The following DPP6 variants were observed in gnomAD, a reference collection of about 807,000 sequenced individuals.
The protein encoded by DPP6 is dipeptidyl peptidase like 6, also known as A-type potassium channel modulatory protein DPP6.
In DPP6, 69 loss-of-function variants were observed where a neutral mutation model predicts 122.6. The ratio of observed to expected loss-of-function variants is 0.56; its 90% CI spans 0.46 to 0.69. DPP6 has a LOEUF of 0.69. Among genes scored for constraint, DPP6 ranks in the 30% least tolerant of loss-of-function variants. The probability of loss-of-function intolerance (pLI) is 0.00; values close to 1 mark genes in which losing one functional copy is unlikely to be tolerated. For missense variants in DPP6, 928 were observed against 1,116.9 expected (o/e 0.83, Z 2.41); for synonymous variants, 418 against 433.1 (o/e 0.97, Z 0.43).
intron 1 of DPP6, among the ~76,000 whole-genome samples, chr7:154,166,426 T>C (rs1433738457): frequency 1.3e-5 from 2 of 151,964 alleles, no homozygotes; most frequent in Non-Finnish European, 2.9e-5. Context: ...GGGAGCACTG[T>C]GCATCATAAG....
chr7:153,938,855 G>A (rs918706554), intron 1 of DPP6, among the ~76,000 whole-genome samples: 2 of 152,194 alleles, frequency 1.3e-5, no homozygotes, highest in Admixed American at 6.5e-5. Flanking sequence ...CGGAATGGCC[G>A]GCTGAGTCTC....
At chr7:154,196,667 C>T (rs957413564) in intron 1 of DPP6, among the ~76,000 whole-genome samples, 3 of 152,178 alleles carry the variant, frequency 2.0e-5, no homozygotes, top group Non-Finnish European at 2.9e-5. Context: ...GCTCCCTGGC[C>T]ATGAGCCAGT....
At chr7:154,561,761 T>C (rs1315498801) in intron 4 of DPP6, among the ~76,000 whole-genome samples, 1 of 151,558 alleles carries the variant, frequency 6.6e-6, no homozygotes. Flanking sequence ...TTGGAAAAGA[T>C]CAATAAAATC....
At position 154,017,705 on chromosome 7, in the gene DPP6, AAATAAAAAAAAAATAAAAAAAT is replaced by A. The variant is rs1413820907; in HGVS notation, c.51+129974_51+129995del. Among the ~76,000 whole-genome samples, 136 of 124,302 alleles carry A rather than the reference AAATAAAAAAAAAATAAAAAAAT, an allele frequency of 1.1e-3. 3 individuals are homozygous for A. The South Asian group carries it at 0.033, about 30-fold the overall frequency. The allele number at this position is 124,302 out of a possible 152,430, so 81.5% of individuals were successfully genotyped here. ...ACAGAGTGAGCCCTTGTCCTAAAAA[AAATAAAAAAAAAATAAAAAAAT>A]AAAAAAAAAAAAAAGAAAAATATAA... is the stretch of plus-strand genomic sequence containing the variant. On this transcript the variant is annotated intron_variant, in intron 1 of 25. Coordinates refer to the DPP6 transcript ENST00000404039.
chr7:154,306,211 G>A (rs1175431531), intron 1 of DPP6, among the ~76,000 whole-genome samples: 1 of 152,196 alleles, frequency 6.6e-6, no homozygotes, highest in Admixed American at 6.5e-5. Flanking sequence ...GGTCCCACAT[G>A]GCACAGGGCG....
At chr7:153,959,256 C>A (rs964353265) in intron 1 of DPP6, among the ~76,000 whole-genome samples, 2 of 151,870 alleles carry the variant, frequency 1.3e-5, no homozygotes, top group Admixed American at 1.3e-4. Flanking sequence ...CTTTCCCTGG[C>A]ACATAGCATG....
intron 5 of DPP6, among the ~76,000 whole-genome samples, chr7:154,619,714 T>G (rs1298918983): frequency 6.6e-6 from 1 of 152,238 alleles, no homozygotes; most frequent in Non-Finnish European, 1.5e-5. Context: ...AACATAGATG[T>G]GTATATGTGT....
chr7:154,396,957 A>G (rs1239444758), intron 1 of DPP6, among the ~76,000 whole-genome samples: 1 of 152,200 alleles, frequency 6.6e-6, no homozygotes, highest in Non-Finnish European at 1.5e-5. Flanking sequence ...AAACAAAAAA[A>G]GTACTCTTTT....
At chr7:154,861,211 C>T (rs1376526971) in intron 17 of DPP6, among the ~76,000 whole-genome samples, 4 of 152,172 alleles carry the variant, frequency 2.6e-5, no homozygotes, top group African/African-American at 9.7e-5. Flanking sequence ...ACTGGGCCAT[C>T]TGTCCTCAAG....
intron 16 of DPP6, among the ~76,000 whole-genome samples, chr7:154,816,553 C>G (rs1187169456): frequency 6.6e-6 from 1 of 152,146 alleles, no homozygotes; most frequent in African/African-American, 2.4e-5. Context: ...CTAGATAGTG[C>G]ATGTAGAGTA....
intron 1 of DPP6, among the ~76,000 whole-genome samples, chr7:154,061,666 T>C (rs11772669): frequency 0.093 from 12,651 of 136,142 alleles, 412 homozygotes; most frequent in South Asian, 0.18. Flanking sequence ...CCAACCCCTC[T>C]TCCCCCCCTG....
At chr7:154,584,619 T>A (rs1832313688) in intron 5 of DPP6, among the ~76,000 whole-genome samples, 1 of 152,260 alleles carries the variant, frequency 6.6e-6, no homozygotes, top group South Asian at 2.1e-4. Flanking sequence ...ACGCCCATCC[T>A]GGCAATGAGC....
At chr7:154,621,472 G>A (rs903995590) in intron 5 of DPP6, among the ~76,000 whole-genome samples, 5 of 152,248 alleles carry the variant, frequency 3.3e-5, no homozygotes, top group Non-Finnish European at 4.4e-5. Context: ...GGGTTCAAGC[G>A]ATTCTCCTGC....
chr7:153,813,963 T>G, the DPP6 span, among the ~76,000 whole-genome samples: 3 of 152,168 alleles, frequency 2.0e-5, no homozygotes, highest in Admixed American at 2.0e-4. Context: ...TTTCTCCCAT[T>G]CTGTAGGTTG....
intron 4 of DPP6, among the ~76,000 whole-genome samples, chr7:154,544,044 C>T (rs1245857500): frequency 7.1e-6 from 1 of 141,336 alleles, no homozygotes; most frequent in Non-Finnish European, 1.5e-5. Context: ...ATTTAAAATT[C>T]TATGATGATT....
intron 1 of DPP6, chr7:154,057,307 C>G (rs1249024795): frequency 6.6e-6 from 1 of 151,940 alleles, no homozygotes; most frequent in Non-Finnish European, 1.4e-5. Context: ...TCTTCCCCCT[C>G]TGGCTCTTGT....
chr7:154,498,654 ATG>A (rs1824960122), intron 3 of DPP6, among the ~76,000 whole-genome samples: 1 of 152,100 alleles, frequency 6.6e-6, no homozygotes, highest in African/African-American at 2.4e-5. Context: ...ACCATCTATT[ATG>A]GCTAGTGTCA....
At chr7:154,267,252 A>G (rs1042077304) in intron 1 of DPP6, among the ~76,000 whole-genome samples, 10 of 150,748 alleles carry the variant, frequency 6.6e-5, no homozygotes, top group Non-Finnish European at 1.5e-4. Context: ...TTCATTTTGA[A>G]TACTTAAATA....
intron 1 of DPP6, among the ~76,000 whole-genome samples, chr7:153,923,018 C>T (rs1800713645): frequency 6.6e-6 from 1 of 152,194 alleles, no homozygotes; most frequent in Admixed American, 6.5e-5. Context: ...TCAAAATGGC[C>T]AGAGCCACGT....
Sources: allele counts gnomAD v4.1 joint callset (sites outside exome capture counted in the v4.1 genomes callset), GRCh38; gene constraint gnomAD v4.1.1; transcripts MANE v1.5; gene names NCBI Gene and HGNC (gene_info 2026-07-23, HGNC 2026-07-21).